GRIA4: variants seen among roughly 807,000 people sequenced by gnomAD.
GRIA4 encodes glutamate ionotropic receptor AMPA type subunit 4, also known as glutamate receptor 4.
GRIA4 carries 34 observed loss-of-function variants against 104.0 expected under a neutral mutation model. The observed-to-expected ratio is 0.33, with a 90% CI of 0.25 to 0.44. The LOEUF (loss-of-function observed/expected upper bound fraction) is 0.44, where lower values mean the gene tolerates loss of function less well. Ranked by LOEUF, GRIA4 falls within the 20% of genes least tolerant of loss-of-function variation. The pLI, the probability that GRIA4 is intolerant of heterozygous loss-of-function variation, is 1.00. For missense variants in GRIA4, 750 were observed against 1,096.5 expected (o/e 0.68, Z 4.46); for synonymous variants, 386 against 381.9 (o/e 1.01, Z -0.13).
chr11:105,908,136 T>C (rs10895883), intron 9 of GRIA4, among the ~76,000 whole-genome samples: 43,689 of 152,022 alleles, frequency 0.29, 6,321 homozygotes, highest in Non-Finnish European at 0.32. Flanking sequence ...TTCTCTATGT[T>C]CTAGGCCAAG....
rs1441939252 is a variant in GRIA4 at position 105,655,223 on chromosome 11, A to T, written c.247+42789A>T. Among the ~76,000 whole-genome samples, 4 of 152,206 alleles carry T rather than the reference A, an allele frequency of 2.6e-5. No homozygotes were observed. In the East Asian group the frequency reaches 5.8e-4, roughly 22 times the overall value. On this transcript the variant is annotated intron_variant, in intron 3 of 16. Transcript: ENST00000282499. The stretch of plus-strand genomic sequence containing the variant: ...ACATGATTATTAGTGTGATTCGAAT[A>T]TAACAAAGTTCTTTGTTTCATATCA...
At chr11:105,780,150 T>C (rs1555005868) in intron 4 of GRIA4, among the ~76,000 whole-genome samples, 1 of 152,194 alleles carries the variant, frequency 6.6e-6, no homozygotes, top group Non-Finnish European at 1.5e-5. Flanking sequence ...TAATGCTATT[T>C]CATTATTTAG....
At position 105,768,908 on chromosome 11, in the gene GRIA4, A is replaced by G. The variant is rs557145898; in HGVS notation, c.487+15688A>G. Among the ~76,000 whole-genome samples the G allele has an allele frequency of 7.9e-5, 12 of 152,186 alleles. No individual in the cohort carries two copies. The South Asian group carries it at 1.7e-3, about 21-fold the overall frequency. ...ATATCAGATTTGAGACTATGGTTCT[A>G]AGTAGGAGGTAGAATTTGAATTAGT... On this transcript the variant is annotated intron_variant, in intron 4 of 16. Coordinates refer to ENST00000282499, the MANE Select transcript of GRIA4 (RefSeq NM_000829.4).
intron 3 of GRIA4, among the ~76,000 whole-genome samples, chr11:105,671,702 G>C (rs372653673): frequency 1.5e-5 from 1 of 68,316 alleles, no homozygotes; most frequent in African/African-American, 5.3e-5. Flanking sequence ...AAAAAAAAAA[G>C]AATAACTTTG....
At chr11:105,772,879 T>C (rs1270848597) in intron 4 of GRIA4, among the ~76,000 whole-genome samples, 2 of 152,138 alleles carry the variant, frequency 1.3e-5, no homozygotes, top group African/African-American at 4.8e-5. Flanking sequence ...GAAAATTTCA[T>C]AGCTTTGAAG....
At chr11:105,803,861 A>AG (rs1555012817) in intron 4 of GRIA4, among the ~76,000 whole-genome samples, 33 of 147,050 alleles carry the variant, frequency 2.2e-4, no homozygotes, top group Middle Eastern at 3.5e-3. Context: ...AAAAAAAAAA[A>AG]AGAGAGAGAG....
chr11:105,927,801 CAA>C (rs1214698747), intron 13 of GRIA4, among the ~76,000 whole-genome samples: 1 of 151,710 alleles, frequency 6.6e-6, no homozygotes, highest in Non-Finnish European at 1.5e-5. Flanking sequence ...CTTCAAAACC[CAA>C]AAATTAAAAA....
intron 3 of GRIA4, among the ~76,000 whole-genome samples, chr11:105,629,095 A>AT (rs56136164): frequency 1.5e-4 from 23 of 150,334 alleles, no homozygotes; most frequent in Non-Finnish European, 5.9e-5. Context: ...AAAAAAAAAA[A>AT]TTAGCGTGGC....
Position 105,753,304 on chromosome 11 carries a change from T to C in GRIA4, c.487+84T>C, listed in dbSNP as rs1368448643. 7 of 1,211,624 alleles carry C rather than the reference T, an allele frequency of 5.8e-6. No homozygotes were observed. The African/African-American group carries it at 6.0e-5, about 10-fold the overall frequency. 75.1% of individuals were successfully genotyped at this position (1,211,624 alleles called of 1,614,324 possible). ...TTATATGACTTCGGTTTTTAGCAAA[T>C]TGTTTGATCTCTAACATCACTAAAA... On this transcript the variant is annotated intron_variant, in intron 4 of 16. Coordinates refer to ENST00000282499, the MANE Select transcript of GRIA4 (RefSeq NM_000829.4).
intron 5 of GRIA4, among the ~76,000 whole-genome samples, chr11:105,887,260 A>T (rs979490669): frequency 3.3e-5 from 5 of 152,122 alleles, no homozygotes; most frequent in Non-Finnish European, 5.9e-5. Flanking sequence ...TAGCATTGTC[A>T]TTCTTTTTAA....
intron 3 of GRIA4, among the ~76,000 whole-genome samples, chr11:105,675,529 A>C (rs1443076260): frequency 6.6e-6 from 1 of 151,750 alleles, no homozygotes; most frequent in Non-Finnish European, 1.5e-5. Context: ...GACACTCCAA[A>C]ATTTTTATCT....
At chr11:105,776,526 C>T (rs1941457607) in intron 4 of GRIA4, among the ~76,000 whole-genome samples, 1 of 152,200 alleles carries the variant, frequency 6.6e-6, no homozygotes, top group Non-Finnish European at 1.5e-5. Context: ...AGGTCTACCA[C>T]TAACCACATT....
intron 3 of GRIA4, among the ~76,000 whole-genome samples, chr11:105,720,195 T>G (rs1240058661): frequency 6.6e-6 from 1 of 151,838 alleles, no homozygotes; most frequent in East Asian, 1.9e-4. Flanking sequence ...CCTCATAAAA[T>G]TTCATGTTTT....
chr11:105,753,100 C>A lies in GRIA4; in HGVS notation c.367C>A (p.Pro123Thr). Residue 123 changes from proline to threonine, a missense_variant, in exon 4 of 17, where the codon CCT becomes ACT. Transcript: ENST00000282499. Reference protein sequence around the residue: ...LHISLITPSFPTEGESQFVLQ... With the variant: ...LHISLITPSFTTEGESQFVLQ... ...TATCTCCCTCATCACACCAAGTTTC[C>A]CTACTGAGGGGGAGAGCCAGTTTGT... 6.2e-7 allele frequency: 1 copy of A among 1,613,852 alleles called. No homozygotes were observed. The highest frequency in any genetic ancestry group is 8.5e-7 in the Non-Finnish European group (1 of 1,179,878).
intron 14 of GRIA4, among the ~76,000 whole-genome samples, chr11:105,936,556 T>C (rs191320382): frequency 1.3e-5 from 2 of 152,346 alleles, no homozygotes; most frequent in East Asian, 3.9e-4. Context: ...TCTGTCCTTC[T>C]ATTTACACTT....
chr11:105,768,562 C>G (rs1368645873), intron 4 of GRIA4, among the ~76,000 whole-genome samples: 2 of 151,968 alleles, frequency 1.3e-5, no homozygotes, highest in Non-Finnish European at 2.9e-5. Flanking sequence ...ATACTCAGTA[C>G]CTTTTCACAA....
intron 3 of GRIA4, among the ~76,000 whole-genome samples, chr11:105,677,619 A>G (rs1952579583): frequency 6.6e-6 from 1 of 151,956 alleles, no homozygotes; most frequent in Admixed American, 6.6e-5. Flanking sequence ...ATACTTTTTC[A>G]TGTAATTTAG....
chr11:105,731,876 G>A (rs569003116), intron 3 of GRIA4, among the ~76,000 whole-genome samples: 2 of 151,884 alleles, frequency 1.3e-5, no homozygotes, highest in Non-Finnish European at 2.9e-5. Context: ...AGGGCCTGTC[G>A]GGGGGTGGGG....
intron 3 of GRIA4, among the ~76,000 whole-genome samples, chr11:105,656,531 A>C (rs1362173454): frequency 6.6e-6 from 1 of 152,204 alleles, no homozygotes; most frequent in Non-Finnish European, 1.5e-5. Context: ...ATGGGATTTA[A>C]TTAAACTAAA....
Sources: gnomAD v4.1 joint callset for allele counts (sites outside exome capture counted in the v4.1 genomes callset) on GRCh38, gnomAD v4.1.1 for gene constraint, MANE v1.5 for transcripts, NCBI Gene and HGNC (gene_info 2026-07-23, HGNC 2026-07-21) for gene names.